Variants in VWA8 observed in about 807,000 individuals in gnomAD.
VWA8 encodes the protein von Willebrand factor A domain containing 8.
In VWA8, 221 loss-of-function variants were observed where a neutral mutation model predicts 241.5. The ratio of observed to expected loss-of-function variants is 0.91; its 90% CI spans 0.82 to 1.02. The LOEUF is 1.02. Among genes scored for constraint, VWA8 ranks in the 50% least tolerant of loss-of-function variants. The pLI, the probability that VWA8 is intolerant of heterozygous loss-of-function variation, is 0.00. For synonymous variants in VWA8, 852 were observed against 827.1 expected, an observed-to-expected ratio of 1.03 and a Z score of -0.52; for missense variants, 2,322 against 2,328.7, an observed-to-expected ratio of 1.00 and a Z score of 0.06.
At chr13:41,595,602 T>C (rs2044482842) in intron 40 of VWA8, among the ~76,000 whole-genome samples, 1 of 152,192 alleles carries the variant, frequency 6.6e-6, no homozygotes, top group African/African-American at 2.4e-5. Flanking sequence ...TTTATAAATA[T>C]GAAATCATAC....
chr13:41,884,154 T>C (rs1874396716), intron 8 of VWA8, among the ~76,000 whole-genome samples: 2 of 152,184 alleles, frequency 1.3e-5, no homozygotes, highest in South Asian at 4.1e-4. Context: ...AGAAGTTGCA[T>C]ACTGATATGG....
intron 12 of VWA8, among the ~76,000 whole-genome samples, chr13:41,853,425 T>A (rs1024413869): frequency 4.6e-5 from 7 of 152,156 alleles, no homozygotes; most frequent in Non-Finnish European, 1.0e-4. Context: ...CTTTTTCTAT[T>A]TTTTTAAAAA....
intron 26 of VWA8, chr13:41,719,311 G>A: frequency 8.2e-7 from 1 of 1,213,652 alleles, no homozygotes; most frequent in Non-Finnish European, 1.0e-6. Context: ...AATACGCATA[G>A]TAATTCAACA....
chr13:41,824,359 T>C (rs772823047), intron 14 of VWA8, among the ~76,000 whole-genome samples: 1 of 152,222 alleles, frequency 6.6e-6, no homozygotes, highest in Non-Finnish European at 1.5e-5. Context: ...TTTAAACTTC[T>C]AGCCTATGTG....
chr13:41,904,302 T>C lies in VWA8; in HGVS notation c.483+3284A>G, dbSNP rs566950205. 4.3e-4 allele frequency among the ~76,000 whole-genome samples: 65 copies of C among 152,278 alleles called. 1 individual carries two copies. The South Asian group carries it at 6.4e-3, about 15-fold the overall frequency. ...ATTTAAAAATCCATTTTCTCTTCCT[T>C]ACTATTTGCAAATTATAAAATTCAT... is the stretch of plus-strand genomic sequence containing the variant. On this transcript the variant is annotated intron_variant, in intron 4 of 44. Transcript: ENST00000379310.
At position 41,689,625 on chromosome 13, in the gene VWA8, C is replaced by T. The variant is rs991967114; in HGVS notation, c.3977-117G>A. On this transcript the variant is annotated intron_variant, in intron 33 of 44. Coordinates refer to ENST00000379310, the MANE Select transcript of VWA8 (RefSeq NM_015058.2). ...AAAGAACAAGTTAAAAAAGAGAAAA[C>T]ATTTTAAATTACATTCATGGGCTTT... 4.7e-6 allele frequency: 5 copies of T among 1,054,530 alleles called. No homozygotes were observed. The African/African-American group carries it at 6.6e-5, about 14-fold the overall frequency. The allele number at this position is 1,054,530 out of a possible 1,614,324, so 65.3% of individuals were successfully genotyped here.
In VWA8 at chr13:41,761,109, GT is replaced by G. The variant is rs774123239; in HGVS notation, c.2426+18del. The G allele has an allele frequency of 5.0e-6, 8 of 1,603,448 alleles. No homozygotes were observed. The highest frequency in any genetic ancestry group is 6.8e-6 in the Non-Finnish European group (8 of 1,174,558). On this transcript the variant is annotated intron_variant, in intron 21 of 44. Coordinates refer to ENST00000379310, the MANE Select transcript of VWA8 (RefSeq NM_015058.2). Reference sequence around the variant, plus strand: ...GATTAAATGAGATTTTTAAGAGGTTGTGGGTCTAATAGTCTTACCTGTGTAG... The same window carrying G: ...GATTAAATGAGATTTTTAAGAGGTTGGGGTCTAATAGTCTTACCTGTGTAG...
intron 37 of VWA8, among the ~76,000 whole-genome samples, chr13:41,659,318 T>C (rs1264233448): frequency 6.6e-6 from 1 of 152,224 alleles, no homozygotes. Flanking sequence ...ATTGGTGTCT[T>C]AACAGCTCTG....
At chr13:41,625,335 G>C (rs1161457458) in intron 37 of VWA8, among the ~76,000 whole-genome samples, 1 of 152,118 alleles carries the variant, frequency 6.6e-6, no homozygotes, top group East Asian at 1.9e-4. Context: ...CTACTCATCT[G>C]ACAAAGGGCT....
intron 35 of VWA8, among the ~76,000 whole-genome samples, chr13:41,679,273 G>A (rs546078450): frequency 1.3e-5 from 2 of 152,320 alleles, no homozygotes; most frequent in African/African-American, 2.4e-5. Context: ...GCCAAGGTTA[G>A]AAGGAGGTAT....
chr13:41,940,792 C>T lies in VWA8; in HGVS notation c.241+9144G>A, dbSNP rs117564158. 5.5e-3 allele frequency among the ~76,000 whole-genome samples: 835 copies of T among 152,180 alleles called. 4 individuals are homozygous for T. Among genetic ancestry groups the T allele is most frequent in the Middle Eastern group, 0.017 (5 of 294 alleles). ...CAGTTGCTCATAAGATTAGTAGAAA[C>T]AATGCAACAATTTACTACTGGATAA... On this transcript the variant is annotated intron_variant, in intron 2 of 44. Coordinates refer to ENST00000379310, the MANE Select transcript of VWA8 (RefSeq NM_015058.2).
intron 34 of VWA8, among the ~76,000 whole-genome samples, chr13:41,685,465 G>A (rs566903274): frequency 6.6e-6 from 1 of 152,212 alleles, no homozygotes; most frequent in Admixed American, 6.5e-5. Context: ...AGACTGGCCT[G>A]GGCAACATAG....
At chr13:41,687,157 C>T (rs1300035729) in intron 34 of VWA8, among the ~76,000 whole-genome samples, 1 of 152,098 alleles carries the variant, frequency 6.6e-6, no homozygotes, top group Non-Finnish European at 1.5e-5. Context: ...TCTTTTCATT[C>T]TCTTAACAGT....
chr13:41,685,257 G>A lies in VWA8; in HGVS notation c.4132-15C>T. 1 of 1,607,746 alleles carries A rather than the reference G, an allele frequency of 6.2e-7. No homozygotes were observed. The highest frequency in any genetic ancestry group is 8.5e-7 in the Non-Finnish European group (1 of 1,177,628). On this transcript the variant is annotated splice_polypyrimidine_tract_variant and intron_variant, in intron 34 of 44. Coordinates refer to ENST00000379310, the MANE Select transcript of VWA8 (RefSeq NM_015058.2). ...TCACTGGGTGACTGAAAAAAAGAAA[G>A]AGATTAAAGTACTGAAGTACCATAT...
intron 14 of VWA8, among the ~76,000 whole-genome samples, chr13:41,822,276 G>C (rs1055138911): frequency 5.9e-5 from 9 of 152,108 alleles, no homozygotes; most frequent in Admixed American, 5.2e-4. Context: ...TGGGGAACTT[G>C]AAAGAATAAT....
chr13:41,920,731 T>G (rs911294071), intron 2 of VWA8, among the ~76,000 whole-genome samples: 9 of 152,100 alleles, frequency 5.9e-5, no homozygotes, highest in African/African-American at 2.2e-4. Context: ...CTCCCAAGAC[T>G]AAACCAGGAA....
chr13:41,640,038 A>T (rs935865350), intron 37 of VWA8, among the ~76,000 whole-genome samples: 1 of 152,196 alleles, frequency 6.6e-6, no homozygotes, highest in Non-Finnish European at 1.5e-5. Context: ...GGGTCACATC[A>T]CTACTCTACG....
Position 41,865,246 on chromosome 13 carries a change from T to C in VWA8, c.1425+490A>G, listed in dbSNP as rs1002148521. The C allele has an allele frequency of 7.0e-5, 24 of 343,814 alleles. 1 individual carries two copies. Among genetic ancestry groups the C allele is most frequent in the Admixed American group, 3.7e-4 (9 of 24,082 alleles). The allele number at this position is 343,814 out of a possible 1,614,324, so 21.3% of individuals were successfully genotyped here. ...CATGTGATATTTTGATACATTCATATAATGTGAAATTTAAAAATTAGGGTA... is the reference window on the plus strand; with the variant it reads ...CATGTGATATTTTGATACATTCATACAATGTGAAATTTAAAAATTAGGGTA... On this transcript the variant is annotated intron_variant, in intron 12 of 44. Transcript: ENST00000379310.
chr13:41,959,373 T>C (rs979016230), intron 1 of VWA8, among the ~76,000 whole-genome samples: 2 of 151,354 alleles, frequency 1.3e-5, no homozygotes, highest in African/African-American at 4.9e-5. Context: ...GTTTATGCTA[T>C]ACTTCCACCT....
Sources: gnomAD v4.1 joint callset for allele counts (sites outside exome capture counted in the v4.1 genomes callset) on GRCh38, gnomAD v4.1.1 for gene constraint, MANE v1.5 for transcripts, NCBI Gene and HGNC (gene_info 2026-07-23, HGNC 2026-07-21) for gene names.